The following RAB22A variants were observed in gnomAD, a reference collection of about 807,000 sequenced individuals.
RAB22A encodes the protein ras-related protein Rab-22A.
Under a neutral mutation model 30.2 loss-of-function variants are expected in RAB22A, and 13 were observed. The observed-to-expected ratio is 0.43, with a 90% CI of 0.28 to 0.68. The LOEUF (loss-of-function observed/expected upper bound fraction) is 0.68. Among genes scored for constraint, RAB22A ranks in the 30% least tolerant of loss-of-function variants. The pLI is 0.18. For missense variants in RAB22A, 177 were observed against 246.8 expected (o/e 0.72, Z 1.89); for synonymous variants, 89 against 87.2 (o/e 1.02, Z -0.11).
intron 2 of RAB22A, among the ~76,000 whole-genome samples, chr20:58,312,472 CTTTTTTTTTTTT>C (rs58198236): frequency 5.2e-5 from 2 of 38,746 alleles, no homozygotes; most frequent in Non-Finnish European, 8.9e-5. Context: ...GGCTGGTTTT[CTTTTTTTTTTTT>C]TTTTTTTTTT....
chr20:58,337,532 A>T (rs1986778811), intron 2 of RAB22A, among the ~76,000 whole-genome samples: 1 of 152,124 alleles, frequency 6.6e-6, no homozygotes, highest in Admixed American at 6.5e-5. Flanking sequence ...CAGTCTGTCC[A>T]TTCTTCACTT....
intron 2 of RAB22A, among the ~76,000 whole-genome samples, chr20:58,319,459 G>T (rs1443144491): frequency 6.6e-6 from 1 of 152,170 alleles, no homozygotes; most frequent in Non-Finnish European, 1.5e-5. Flanking sequence ...CATTGCTGTA[G>T]ATGTATAGAA....
intron 2 of RAB22A, among the ~76,000 whole-genome samples, chr20:58,327,472 C>T (rs535163836): frequency 1.3e-5 from 2 of 152,292 alleles, no homozygotes; most frequent in East Asian, 1.9e-4. Context: ...CAGTTCTTTG[C>T]CCTTTGAGCC....
chr20:58,357,115 T>G (rs1239016892), intron 6 of RAB22A, among the ~76,000 whole-genome samples: 1 of 152,224 alleles, frequency 6.6e-6, no homozygotes, highest in African/African-American at 2.4e-5. Context: ...AAGTGGTAGT[T>G]GTACTAGTTG....
In RAB22A at chr20:58,322,930, G is replaced by T. The variant is rs561130888; in HGVS notation, c.116+11808G>T. Among the ~76,000 whole-genome samples the T allele has an allele frequency of 5.9e-5, 9 of 152,138 alleles. No individual in the cohort carries two copies. The South Asian group carries it at 1.7e-3, about 28-fold the overall frequency. On this transcript the variant is annotated intron_variant, in intron 2 of 6. Transcript: ENST00000244040. ...ATTTTCTGTGTTGTTCTTCAGCAAT[G>T]TCTTGGCTGTTCTTGACCTGTTTCA... is the stretch of plus-strand genomic sequence containing the variant.
chr20:58,339,497 G>A (rs1391975021), intron 2 of RAB22A, among the ~76,000 whole-genome samples: 1 of 152,198 alleles, frequency 6.6e-6, no homozygotes, highest in African/African-American at 2.4e-5. Context: ...GTGACAACGG[G>A]AGGGAAAAAT....
intron 2 of RAB22A, among the ~76,000 whole-genome samples, chr20:58,317,153 G>A (rs2122925656): frequency 6.6e-6 from 1 of 152,194 alleles, no homozygotes; most frequent in Non-Finnish European, 1.5e-5. Flanking sequence ...CTGGAGTGCA[G>A]TGGCGCAATC....
At chr20:58,342,822 G>C (rs538981542) in intron 2 of RAB22A, among the ~76,000 whole-genome samples, 1 of 152,048 alleles carries the variant, frequency 6.6e-6, no homozygotes, top group Non-Finnish European at 1.5e-5. Flanking sequence ...GGGAATGGAA[G>C]GTAGTATTGG....
intron 2 of RAB22A, among the ~76,000 whole-genome samples, chr20:58,320,821 C>T (rs1384688279): frequency 6.6e-6 from 1 of 152,164 alleles, no homozygotes; most frequent in Non-Finnish European, 1.5e-5. Flanking sequence ...TTTGGGAGGC[C>T]AAAGCGGGTG....
At chr20:58,356,841 G>T (rs1020488889) in intron 6 of RAB22A, among the ~76,000 whole-genome samples, 1 of 152,188 alleles carries the variant, frequency 6.6e-6, no homozygotes, top group African/African-American at 2.4e-5. Context: ...GTTTGTGCGT[G>T]TGAGTGTCAG....
At chr20:58,350,011 C>G (rs1207952933) in intron 3 of RAB22A, among the ~76,000 whole-genome samples, 4 of 152,082 alleles carry the variant, frequency 2.6e-5, no homozygotes, top group Admixed American at 6.6e-5. Context: ...CCTTTAATCC[C>G]AGCACTTTGG....
chr20:58,321,502 C>G (rs1335981868), intron 2 of RAB22A, among the ~76,000 whole-genome samples: 1 of 152,222 alleles, frequency 6.6e-6, no homozygotes. Context: ...AATGTGCATT[C>G]CGCTACTGAT....
At chr20:58,343,117 T>A (rs1986884130) in intron 2 of RAB22A, among the ~76,000 whole-genome samples, 1 of 152,156 alleles carries the variant, frequency 6.6e-6, no homozygotes, top group Non-Finnish European at 1.5e-5. Context: ...GAACTTCAGC[T>A]GAGAAACCCG....
intron 5 of RAB22A, 21 bp downstream of exon 5, chr20:58,353,559 AT>A: frequency 2.7e-6 from 4 of 1,506,456 alleles, no homozygotes; most frequent in Non-Finnish European, 3.7e-6. Flanking sequence ...AGAACGAGAG[AT>A]TACAATACCT....
rs1319986237 is a variant in RAB22A, at chr20:58,355,951, T to C, written c.487+1686T>C. Among the ~76,000 whole-genome samples the C allele has an allele frequency of 1.4e-4, 21 of 152,136 alleles. 1 individual carries two copies. The highest frequency in any genetic ancestry group is 4.4e-5 in the Non-Finnish European group (3 of 68,030). ...CAGCTCAAGCTAAAATGTCTAAGTG[T>C]GTGGTGTCATGAGTATGTTAAAATT... On this transcript the variant is annotated intron_variant, in intron 6 of 6. Coordinates refer to ENST00000244040, the MANE Select transcript of RAB22A (RefSeq NM_020673.3).
intron 3 of RAB22A, among the ~76,000 whole-genome samples, chr20:58,347,603 G>A (rs773617520): frequency 1.3e-5 from 2 of 152,132 alleles, no homozygotes; most frequent in African/African-American, 4.8e-5. Context: ...AATCAAGTTC[G>A]ACTCAGTGTT....
intron 2 of RAB22A, among the ~76,000 whole-genome samples, chr20:58,311,499 TC>T (rs1986225603): frequency 1.3e-5 from 2 of 152,228 alleles, no homozygotes; most frequent in African/African-American, 2.4e-5. Context: ...TTTTTGTCCT[TC>T]CTGAAAGTAG....
intron 2 of RAB22A, among the ~76,000 whole-genome samples, chr20:58,331,533 T>C (rs1295883063): frequency 1.3e-5 from 2 of 152,260 alleles, no homozygotes; most frequent in East Asian, 3.8e-4. Flanking sequence ...ACCGTTCTCT[T>C]ATCAGCTTTT....
intron 3 of RAB22A, 140 bp downstream of exon 3, chr20:58,343,939 A>G (rs1986902003): frequency 1.4e-6 from 1 of 728,502 alleles, no homozygotes; most frequent in Non-Finnish European, 2.3e-6. Context: ...TGCGTAGGCC[A>G]GCCTTTGCCT....
Sources: gnomAD v4.1 joint callset for allele counts (sites outside exome capture counted in the v4.1 genomes callset) on GRCh38, gnomAD v4.1.1 for gene constraint, MANE v1.5 for transcripts, NCBI Gene and HGNC (gene_info 2026-07-23, HGNC 2026-07-21) for gene names.